CUX2: variants seen among roughly 807,000 people sequenced by gnomAD.
CUX2 encodes the protein cut like homeobox 2.
Under a neutral mutation model 144.8 loss-of-function variants are expected in CUX2, and 40 were observed. The ratio of observed to expected loss-of-function variants is 0.28; its 90% CI spans 0.21 to 0.36. The LOEUF (loss-of-function observed/expected upper bound fraction) is 0.36, where lower values mean the gene tolerates loss of function less well. CUX2 is among the 10% of genes least tolerant of loss of function. CUX2 has a pLI of 1.00. For synonymous variants in CUX2, 827 were observed against 875.6 expected, an observed-to-expected ratio of 0.94 and a Z score of 0.98; for missense variants, 1,615 against 1,994.0, an observed-to-expected ratio of 0.81 and a Z score of 3.62.
chr12:111,091,210 C>T (rs867316909), intron 1 of CUX2, among the ~76,000 whole-genome samples: 8 of 152,330 alleles, frequency 5.3e-5, no homozygotes, highest in South Asian at 2.1e-4. Flanking sequence ...GCCAGGTGAG[C>T]GGGCACCATG....
rs114443118 is a variant in CUX2, at chr12:111,097,043, G to A, written c.63+62803G>A. On this transcript the variant is annotated intron_variant, in intron 1 of 21. Transcript: ENST00000261726. ...TCTTGGCTTCAGAAGGTGAGTCCCT[G>A]TTGTCAAGATAAAAAGGATTAAATC... Among the ~76,000 whole-genome samples, 974 of 152,214 alleles carry A rather than the reference G, an allele frequency of 6.4e-3. 12 individuals are homozygous for A. The highest frequency in any genetic ancestry group is 0.022 in the African/African-American group (919 of 41,534).
chr12:111,240,486 C>T (rs1319872185), intron 3 of CUX2, among the ~76,000 whole-genome samples: 1 of 152,252 alleles, frequency 6.6e-6, no homozygotes, highest in African/African-American at 2.4e-5. Flanking sequence ...GTTCTAAATA[C>T]AAACTCCCGA....
chr12:111,204,551 A>G (rs1880798545), intron 1 of CUX2, among the ~76,000 whole-genome samples: 1 of 152,180 alleles, frequency 6.6e-6, no homozygotes, highest in South Asian at 2.1e-4. Flanking sequence ...CCAGGGAAAC[A>G]ACCCAGAGGA....
chr12:111,068,158 T>G lies in CUX2; in HGVS notation c.63+33918T>G, dbSNP rs1389351291. On this transcript the variant is annotated intron_variant, in intron 1 of 21. Coordinates refer to ENST00000261726, the MANE Select transcript of CUX2 (RefSeq NM_015267.4). This position sits in a 1 kb window ranked among gnomAD's most constrained non-coding sequence, Gnocchi z 4.9. ...CTTCGTTCTGCATAGTTCTCCCCGC[T>G]TTATCTTTGATCTCAAAAAAAGATC... 6.6e-6 allele frequency among the ~76,000 whole-genome samples: 1 copy of G among 152,152 alleles called. No homozygotes were observed. The highest frequency in any genetic ancestry group is 1.9e-4 in the East Asian group (1 of 5,192).
chr12:111,323,559 A>G (rs1479616957), intron 18 of CUX2, among the ~76,000 whole-genome samples: 1 of 152,172 alleles, frequency 6.6e-6, no homozygotes, highest in African/African-American at 2.4e-5. Context: ...TGGGAGGCTG[A>G]GGCTGGAGGA....
At chr12:111,309,498 T>C (rs1354376147) in intron 14 of CUX2, among the ~76,000 whole-genome samples, 1 of 151,628 alleles carries the variant, frequency 6.6e-6, no homozygotes, top group Non-Finnish European at 1.5e-5. Context: ...AGAGTGGGAG[T>C]TGGAGAATGG....
intron 1 of CUX2, among the ~76,000 whole-genome samples, chr12:111,125,908 C>T (rs1875032954): frequency 1.3e-5 from 2 of 151,848 alleles, no homozygotes; most frequent in Non-Finnish European, 2.9e-5. Context: ...ATCTGATATT[C>T]AAGAAAAAGC....
chr12:111,034,246 T>C lies in CUX2; in HGVS notation c.63+6T>C. 2 of 1,367,488 alleles carry C rather than the reference T, an allele frequency of 1.5e-6. No homozygotes were observed. The highest frequency in any genetic ancestry group is 9.7e-7 in the Non-Finnish European group (1 of 1,029,700). The allele number at this position is 1,367,488 out of a possible 1,614,324, so 84.7% of individuals were successfully genotyped here. A position where few individuals can be genotyped will look rare whatever the true frequency, so the allele number is the denominator to read the frequency against. ...TTGATCTACGGCGACTCCAGGTTAG[T>C]GCGGGCAGCGCCGGCCGCGCGGCCG... On this transcript the variant is annotated splice_donor_region_variant and intron_variant, in intron 1 of 21. Coordinates refer to ENST00000261726, the MANE Select transcript of CUX2 (RefSeq NM_015267.4). This position sits in a 1 kb window ranked among gnomAD's most constrained non-coding sequence, Gnocchi z 4.2.
chr12:111,305,055 T>A (rs1016377279), intron 10 of CUX2, among the ~76,000 whole-genome samples: 1 of 152,260 alleles, frequency 6.6e-6, no homozygotes, highest in African/African-American at 2.4e-5. Flanking sequence ...TCAATTCATC[T>A]TTCTCTTTCC....
chr12:111,126,044 T>TG (rs200064865), intron 1 of CUX2, among the ~76,000 whole-genome samples: 1,701 of 130,602 alleles, frequency 0.013, 34 homozygotes, highest in African/African-American at 0.053. Context: ...GGTGGTGGCG[T>TG]GGGGGGGGCG....
chr12:111,145,012 G>A (rs745781312), intron 1 of CUX2, among the ~76,000 whole-genome samples: 21 of 152,282 alleles, frequency 1.4e-4, no homozygotes, highest in Non-Finnish European at 2.8e-4. Context: ...GACGCAGCTT[G>A]GCCTCCATCT....
At chr12:111,346,192 C>G (rs1592993653) in intron 21 of CUX2, among the ~76,000 whole-genome samples, 1 of 148,722 alleles carries the variant, frequency 6.7e-6, no homozygotes, top group African/African-American at 2.5e-5. Context: ...ATGAAATAAA[C>G]AGGCTGGGTG....
chr12:111,074,053 T>A (rs979322075), intron 1 of CUX2, among the ~76,000 whole-genome samples: 13 of 149,756 alleles, frequency 8.7e-5, no homozygotes, highest in Admixed American at 2.0e-4. Context: ...AAAAAAAAAA[T>A]CATACATTGT....
In CUX2 at chr12:111,319,995, T is replaced by C. The variant is rs1367116689; in HGVS notation, c.2003-17T>C. 6.7e-7 allele frequency: 1 copy of C among 1,487,198 alleles called. No homozygotes were observed. Among genetic ancestry groups the C allele is most frequent in the Non-Finnish European group, 8.9e-7 (1 of 1,125,354 alleles). The allele number at this position is 1,487,198 out of a possible 1,614,324, so 92.1% of individuals were successfully genotyped here. A position where few individuals can be genotyped will look rare whatever the true frequency, so the allele number is the denominator to read the frequency against. On this transcript the variant is annotated splice_polypyrimidine_tract_variant and intron_variant, in intron 16 of 21. Coordinates refer to ENST00000261726, the MANE Select transcript of CUX2 (RefSeq NM_015267.4). ...CCTGACCCTGGGCCTCGGGCCGTCCTGTCCCCCTCCCCGCAGGCGAGCCCA... is the reference window on the plus strand; with the variant it reads ...CCTGACCCTGGGCCTCGGGCCGTCCCGTCCCCCTCCCCGCAGGCGAGCCCA...
intron 4 of CUX2, among the ~76,000 whole-genome samples, chr12:111,275,095 C>T (rs1042012826): frequency 6.6e-6 from 1 of 152,206 alleles, no homozygotes; most frequent in Non-Finnish European, 1.5e-5. Flanking sequence ...AGTCCTTTGA[C>T]TGTGTTCTCT....
chr12:111,201,192 G>A (rs1392211980), intron 1 of CUX2, among the ~76,000 whole-genome samples: 1 of 152,048 alleles, frequency 6.6e-6, no homozygotes, highest in Non-Finnish European at 1.5e-5. Flanking sequence ...ATCCATCAGC[G>A]CCCTCTCCTG....
chr12:111,093,216 T>A (rs1263451139), intron 1 of CUX2, among the ~76,000 whole-genome samples: 1 of 152,184 alleles, frequency 6.6e-6, no homozygotes, highest in Non-Finnish European at 1.5e-5. Context: ...TCTCACTTCC[T>A]CTGGCTCCCC....
chr12:111,201,654 T>C (rs1376219819), intron 1 of CUX2, among the ~76,000 whole-genome samples: 2 of 152,160 alleles, frequency 1.3e-5, no homozygotes, highest in Non-Finnish European at 2.9e-5. Context: ...TAATAAATGC[T>C]TCCCTACCTG....
intron 1 of CUX2, among the ~76,000 whole-genome samples, chr12:111,091,558 C>T (rs971766933): frequency 2.6e-5 from 4 of 152,214 alleles, no homozygotes; most frequent in African/African-American, 9.6e-5. Context: ...TCCCAAAGCC[C>T]AGATAATTGT....
Sources: allele counts gnomAD v4.1 joint callset (sites outside exome capture counted in the v4.1 genomes callset), GRCh38; gene constraint gnomAD v4.1.1; non-coding constraint Gnocchi (gnomAD v3.1); transcripts MANE v1.5; gene names NCBI Gene and HGNC (gene_info 2026-07-23, HGNC 2026-07-21).